Variants in PTPRJ observed in about 807,000 individuals in gnomAD.
The protein encoded by PTPRJ is protein tyrosine phosphatase receptor type J.
In PTPRJ, 129 loss-of-function variants were observed where a neutral mutation model predicts 141.3. The observed-to-expected ratio is 0.91, with a 90% CI of 0.79 to 1.06. PTPRJ has a LOEUF of 1.06. Ranked by LOEUF, PTPRJ falls within the 50% of genes least tolerant of loss-of-function variation. The pLI, the probability that PTPRJ is intolerant of heterozygous loss-of-function variation, is 0.00. For missense variants in PTPRJ, 1,601 were observed against 1,679.7 expected, an observed-to-expected ratio of 0.95 and a Z score of 0.82; for synonymous variants, 610 against 640.5, an observed-to-expected ratio of 0.95 and a Z score of 0.72.
At chr11:48,025,921 C>T (rs183078700) in intron 1 of PTPRJ, among the ~76,000 whole-genome samples, 13 of 152,314 alleles carry the variant, frequency 8.5e-5, no homozygotes, top group African/African-American at 2.2e-4. Flanking sequence ...TTTGCTCATG[C>T]TGCTCCTCTT....
intron 1 of PTPRJ, among the ~76,000 whole-genome samples, chr11:47,994,684 TAAATA>T (rs1159855402): frequency 1.3e-5 from 2 of 151,620 alleles, no homozygotes; most frequent in African/African-American, 2.4e-5. Flanking sequence ...AATAAATAAA[TAAATA>T]AAATAAAAAA....
At chr11:48,055,927 G>A (rs1200518266) in intron 1 of PTPRJ, among the ~76,000 whole-genome samples, 1 of 152,198 alleles carries the variant, frequency 6.6e-6, no homozygotes, top group Admixed American at 6.5e-5. Flanking sequence ...TTCCAGCTCG[G>A]TTACTTGCTG....
rs1306338481 is a variant in PTPRJ, at chr11:48,168,530, CTGTGTATATATATATATA to C, written c.*1170_*1187del. On this transcript the variant is annotated 3_prime_UTR_variant, in exon 25 of 25. Transcript: ENST00000418331. ...CTGCCGTGACACATATCGGAATCTA[CTGTGTATATATATATATA>C]TATATATATATATATATATATATAT... 9 of 24,860 alleles carry C rather than the reference CTGTGTATATATATATATA, an allele frequency of 3.6e-4. No homozygotes were observed. The Admixed American group carries it at 4.9e-3, about 14-fold the overall frequency. 1.5% of individuals were successfully genotyped at this position (24,860 alleles called of 1,614,324 possible).
intron 1 of PTPRJ, among the ~76,000 whole-genome samples, chr11:48,054,773 T>G (rs1854709506): frequency 6.6e-6 from 1 of 152,126 alleles, no homozygotes; most frequent in African/African-American, 2.4e-5. Flanking sequence ...AACAAGTTAT[T>G]TAACTCCTCT....
intron 7 of PTPRJ, 137 bp downstream of exon 7, chr11:48,128,180 A>G (rs1856890847): frequency 8.8e-7 from 1 of 1,142,566 alleles, no homozygotes. Context: ...CTTTCCTTGC[A>G]CTGGCACATT....
intron 1 of PTPRJ, among the ~76,000 whole-genome samples, chr11:48,069,643 G>A (rs1855186769): frequency 6.6e-6 from 1 of 151,708 alleles, no homozygotes; most frequent in South Asian, 2.1e-4. Context: ...AGTAGAGACG[G>A]GGTTTCACCA....
rs1210230861 is a variant in PTPRJ at position 48,170,421 on chromosome 11, A to T, written c.*3059A>T. The T allele has an allele frequency of 6.6e-6, 1 of 150,738 alleles. No homozygotes were observed. The highest frequency in any genetic ancestry group is 1.5e-5 in the Non-Finnish European group (1 of 67,738). 9.3% of individuals were successfully genotyped at this position (150,738 alleles called of 1,614,324 possible). A position where few individuals can be genotyped will look rare whatever the true frequency, so the allele number is the denominator to read the frequency against. ...AGTCAGAGGCTCCCGGGGGTTGGGG[A>T]TCGAGGGGCGGGGGTCAGCTATGCA... On this transcript the variant is annotated 3_prime_UTR_variant, in exon 25 of 25. Coordinates refer to ENST00000418331, the MANE Select transcript of PTPRJ (RefSeq NM_002843.4).
In PTPRJ at chr11:48,038,214, G is replaced by A. The variant is rs1239856565; in HGVS notation, c.96+57206G>A. ...TGTAGGCTCTCACATTGCCTTGCAC[G>A]TAGTAAGTGCTCAGTAAATGCTTGG... On this transcript the variant is annotated intron_variant, in intron 1 of 24. Transcript: ENST00000418331. Among the ~76,000 whole-genome samples the A allele has an allele frequency of 2.0e-5, 3 of 152,040 alleles. No individual in the cohort carries two copies. The South Asian group carries it at 6.2e-4, about 32-fold the overall frequency.
At chr11:48,063,918 A>ATG (rs113736420) in intron 1 of PTPRJ, among the ~76,000 whole-genome samples, 37,532 of 147,362 alleles carry the variant, frequency 0.25, 5,160 homozygotes, top group African/African-American at 0.37. Context: ...TTCTCAGCTT[A>ATG]TGTGTGTGTG....
At chr11:48,029,048 G>T (rs1343027029) in intron 1 of PTPRJ, among the ~76,000 whole-genome samples, 1 of 152,242 alleles carries the variant, frequency 6.6e-6, no homozygotes, top group Non-Finnish European at 1.5e-5. Flanking sequence ...GTTGTGCAGT[G>T]GTTTTGAGCA....
chr11:48,066,097 A>G (rs1855075402), intron 1 of PTPRJ, among the ~76,000 whole-genome samples: 1 of 152,182 alleles, frequency 6.6e-6, no homozygotes, highest in Non-Finnish European at 1.5e-5. Flanking sequence ...AGTGAGCTCT[A>G]TAGTCATGCC....
At chr11:48,024,342 C>T (rs184919204) in intron 1 of PTPRJ, among the ~76,000 whole-genome samples, 52 of 152,206 alleles carry the variant, frequency 3.4e-4, no homozygotes, top group Non-Finnish European at 3.7e-4. Flanking sequence ...GGACTACAGA[C>T]GCATGCCACC....
intron 1 of PTPRJ, among the ~76,000 whole-genome samples, chr11:48,077,582 G>A (rs1010158136): frequency 3.3e-5 from 5 of 152,130 alleles, no homozygotes; most frequent in Non-Finnish European, 5.9e-5. Flanking sequence ...ACAGCCTTAC[G>A]GAGCGTGCTA....
In PTPRJ at chr11:48,071,902, ATTTTTT is replaced by A. The variant is rs35087042; in HGVS notation, c.97-38140_97-38135del. ...CAGGTGTGAGCTACCACGCCTGGCC[ATTTTTT>A]TTTTTTTTTTTTTTTGAGACAGAGT... On this transcript the variant is annotated intron_variant, in intron 1 of 24. Coordinates refer to ENST00000418331, the MANE Select transcript of PTPRJ (RefSeq NM_002843.4). Among the ~76,000 whole-genome samples, 616 of 82,566 alleles carry A rather than the reference ATTTTTT, an allele frequency of 7.5e-3. 3 individuals carry two copies. In the Middle Eastern group the frequency reaches 0.091, roughly 12 times the overall value. 54.2% of individuals were successfully genotyped at this position (82,566 alleles called of 152,430 possible). A position where few individuals can be genotyped will look rare whatever the true frequency, so the allele number is the denominator to read the frequency against.
chr11:48,025,774 C>T (rs921073732), intron 1 of PTPRJ, among the ~76,000 whole-genome samples: 10 of 152,230 alleles, frequency 6.6e-5, no homozygotes, highest in Middle Eastern at 3.2e-3. Context: ...CTCTAAATGG[C>T]GCGTCAGCTC....
Position 48,111,677 on chromosome 11 carries a change from G to GAA in PTPRJ, c.116-1069_116-1068dup, listed in dbSNP as rs756993833. On this transcript the variant is annotated intron_variant, in intron 2 of 24. Transcript: ENST00000418331. ...ATTCAAACATCTACCGTAGGTAGTA[G>GAA]AATTGCGGGAAACAGAAATCATGAG... is the stretch of plus-strand genomic sequence containing the variant. Among the ~76,000 whole-genome samples the GAA allele has an allele frequency of 1.7e-4, 26 of 152,242 alleles. No homozygotes were observed. In the South Asian group the frequency reaches 1.9e-3, roughly 11 times the overall value.
intron 1 of PTPRJ, among the ~76,000 whole-genome samples, chr11:48,104,286 T>A (rs561616060): frequency 6.6e-6 from 1 of 152,328 alleles, no homozygotes; most frequent in African/African-American, 2.4e-5. Context: ...CCTGTCATTT[T>A]AATGATTTAC....
At chr11:48,061,361 C>T (rs985671303) in intron 1 of PTPRJ, among the ~76,000 whole-genome samples, 1 of 152,180 alleles carries the variant, frequency 6.6e-6, no homozygotes, top group Non-Finnish European at 1.5e-5. Flanking sequence ...CAAATGATTG[C>T]AGGCTGTTGT....
chr11:48,137,919 G>A (rs118168670), intron 10 of PTPRJ, among the ~76,000 whole-genome samples: 1 of 152,316 alleles, frequency 6.6e-6, no homozygotes, highest in East Asian at 1.9e-4. Context: ...CTGAAAATGT[G>A]TGATAAAGAG....
Sources: gnomAD v4.1 joint callset for allele counts (sites outside exome capture counted in the v4.1 genomes callset) on GRCh38, gnomAD v4.1.1 for gene constraint, MANE v1.5 for transcripts, NCBI Gene and HGNC (gene_info 2026-07-23, HGNC 2026-07-21) for gene names.